AGT: variants seen among roughly 807,000 people sequenced by gnomAD.
AGT encodes the protein angiotensinogen, also known as alpha-1 antiproteinase, antitrypsin.
AGT carries 26 observed loss-of-function variants against 28.1 expected under a neutral mutation model. That is an observed-to-expected ratio of 0.92 (90% CI 0.68 to 1.28). The LOEUF (loss-of-function observed/expected upper bound fraction) is 1.28, where lower values mean the gene tolerates loss of function less well. AGT is among the 50% of genes most tolerant of loss of function. AGT has a pLI of 0.00. For synonymous variants in AGT, 259 were observed against 259.6 expected (o/e 1.00, Z 0.02); for missense variants, 596 against 592.3 (o/e 1.01, Z -0.06).
chr1:230,722,941 C>T lies in AGT; in HGVS notation c.-30-12088G>A, dbSNP rs543808549. On this transcript the variant is annotated intron_variant, in intron 1 of 4. Transcript: ENST00000681269. Reference sequence around the variant, plus strand: ...AAAAGGCATGAGATTTGGGAAGGGCCGGTGGAGAATGATACGGTTTAGCTC... The same window carrying T: ...AAAAGGCATGAGATTTGGGAAGGGCTGGTGGAGAATGATACGGTTTAGCTC... Among the ~76,000 whole-genome samples the T allele has an allele frequency of 1.5e-3, 223 of 152,086 alleles. 1 individual carries two copies. The highest frequency in any genetic ancestry group is 2.8e-3 in the Non-Finnish European group (193 of 67,992).
Position 230,710,530 on chromosome 1 carries a change from C to T in AGT, c.294G>A (p.Gly98=), listed in dbSNP as rs1663550059. Residue 98 remains glycine (G), a synonymous_variant, in exon 2 of 5, where the codon GGG becomes GGA. Transcript: ENST00000366667. ...GGAAGCCCAAGAAGTTGGCCAGCAT[C>T]CCGACCATTGCGGCCCTCAACTTGT... ...TEDKLRAAMV[G]MLANFLGFRI... 6.2e-7 allele frequency: 1 copy of T among 1,614,122 alleles called. No homozygotes were observed.
At chr1:230,731,502 C>T (rs778531025) in intron 1 of AGT, among the ~76,000 whole-genome samples, 2 of 152,248 alleles carry the variant, frequency 1.3e-5, no homozygotes, top group South Asian at 4.1e-4. Flanking sequence ...GCCCTTCTCT[C>T]TACAGCCTTG....
intron 1 of AGT, among the ~76,000 whole-genome samples, chr1:230,723,240 G>C (rs1663880691): frequency 6.6e-6 from 1 of 151,984 alleles, no homozygotes; most frequent in Non-Finnish European, 1.5e-5. Flanking sequence ...GGCCTCCCCA[G>C]CCATGCAGAA....
At chr1:230,724,870 C>G (rs1238203247) in intron 1 of AGT, among the ~76,000 whole-genome samples, 1 of 152,054 alleles carries the variant, frequency 6.6e-6, no homozygotes, top group East Asian at 1.9e-4. Flanking sequence ...TTTAGATGTG[C>G]AGAATTTGAG....
chr1:230,722,715 T>G (rs1417151957), intron 1 of AGT, among the ~76,000 whole-genome samples: 1 of 152,220 alleles, frequency 6.6e-6, no homozygotes, highest in African/African-American at 2.4e-5. Context: ...GTAGCCCTTC[T>G]GTTTTGGCCA....
rs1571976675 is a variant in AGT, at chr1:230,710,055, A to G, written c.769T>C (p.Ser257Pro). 2 of 1,614,066 alleles carry G rather than the reference A, an allele frequency of 1.2e-6. No homozygotes were observed. Among genetic ancestry groups the G allele is most frequent in the East Asian group, 4.5e-5 (2 of 44,860 alleles). Residue 257 changes from serine (S) to proline (P), a missense_variant, in exon 2 of 5, where the codon TCC (serine) becomes CCC (proline). By Grantham distance (74) the Ser-to-Pro change is moderately conservative. Coordinates refer to ENST00000366667, the MANE Select transcript of AGT (RefSeq NM_001384479.1). ...CTGTCCACACTGGCTCCCATCAGGG[A>G]GCAGCCAGTCTTCCATCCTGTCACA... is the stretch of plus-strand genomic sequence containing the variant. ...QAVTGWKTGC[S>P]LMGASVDSTL...
chr1:230,741,037 G>C (rs1392554709), intron 1 of AGT, among the ~76,000 whole-genome samples: 1 of 152,154 alleles, frequency 6.6e-6, no homozygotes, highest in Non-Finnish European at 1.5e-5. Context: ...TCTGTGCATA[G>C]CATCAACCTC....
intron 3 of AGT, among the ~76,000 whole-genome samples, chr1:230,704,751 G>A (rs1225187150): frequency 6.6e-6 from 1 of 152,230 alleles, no homozygotes; most frequent in Admixed American, 6.5e-5. Context: ...AGGGTACAGT[G>A]TCAACCTCGT....
chr1:230,718,879 T>G (rs1179784960), upstream of AGT, among the ~76,000 whole-genome samples: 1 of 151,958 alleles, frequency 6.6e-6, no homozygotes, highest in Non-Finnish European at 1.5e-5. Context: ...ATGCATGCCA[T>G]GACACCTGGC....
rs370110995 is a variant in AGT at position 230,735,829 on chromosome 1, C to A, written c.-31+9686G>T. ...TGTAGATTCTAGGGGTACCCTGCTG[C>A]TTCCAGCCCCCCAACTGCTCAGTCT... is the stretch of plus-strand genomic sequence containing the variant. On this transcript the variant is annotated intron_variant, in intron 1 of 4. Coordinates refer to the AGT transcript ENST00000681269. Among the ~76,000 whole-genome samples the A allele has an allele frequency of 3.9e-5, 6 of 152,338 alleles. No individual in the cohort carries two copies. The South Asian group carries it at 1.2e-3, about 32-fold the overall frequency.
In AGT at chr1:230,703,207, C is replaced by T. The variant is rs377754608; in HGVS notation, c.1365G>A (p.Val455=). The stretch of plus-strand genomic sequence containing the variant: ...GCAGGGCAGTGGCGCTTTGATCATA[C>T]ACAGCAAACAGGAATGGGCGGTTCA... The part of the protein sequence containing the change: ...VTLNRPFLFA[V]YDQSATALHF... The change falls in exon 5 of 5, where the codon GTG becomes GTA. Residue 455 remains valine (V), a synonymous_variant. Transcript: ENST00000366667. 1.9e-6 allele frequency: 3 copies of T among 1,614,088 alleles called. No homozygotes were observed. Among genetic ancestry groups the T allele is most frequent in the Non-Finnish European group, 2.5e-6 (3 of 1,180,052 alleles).
intron 1 of AGT, among the ~76,000 whole-genome samples, chr1:230,712,866 T>A (rs1379019980): frequency 6.6e-6 from 1 of 152,080 alleles, no homozygotes; most frequent in African/African-American, 2.4e-5. Context: ...CCCCTCCGCC[T>A]TCTCCTCTCC....
upstream of AGT, among the ~76,000 whole-genome samples, chr1:230,714,684 G>A (rs115913993): frequency 6.6e-6 from 1 of 152,290 alleles, no homozygotes; most frequent in Non-Finnish European, 1.5e-5. Flanking sequence ...AGTGCCTTCT[G>A]GAAGTTTCCA....
chr1:230,744,775 C>A (rs139931285), intron 1 of AGT, among the ~76,000 whole-genome samples: 1 of 152,164 alleles, frequency 6.6e-6, no homozygotes. Context: ...AGAATGAGAA[C>A]GTAAATCCCT....
Position 230,704,292 on chromosome 1 carries a change from A to G in AGT, c.1143T>C (p.Tyr381=), listed in dbSNP as rs1489914240. ...TMPQLVLQGS[Y]DLQDLLAQAE... ...CCTGGGCGAGCAGGTCCTGCAGGTC[A>G]TAAGATCCTTGCAGCACCAGTTGGG... Residue 381 remains tyrosine, a synonymous_variant, in exon 4 of 5, where the codon TAT becomes TAC. Transcript: ENST00000366667. 2.5e-6 allele frequency: 4 copies of G among 1,614,238 alleles called. No individual in the cohort carries two copies. The highest frequency in any genetic ancestry group is 3.4e-6 in the Non-Finnish European group (4 of 1,180,034).
intron 1 of AGT, among the ~76,000 whole-genome samples, chr1:230,711,321 A>G (rs1663585411): frequency 6.6e-6 from 1 of 152,164 alleles, no homozygotes; most frequent in Non-Finnish European, 1.5e-5. Flanking sequence ...GAAGACGGCC[A>G]TCTACAAGCC....
intron 1 of AGT, among the ~76,000 whole-genome samples, chr1:230,740,262 G>GT (rs1173868283): frequency 1.3e-5 from 2 of 152,268 alleles, no homozygotes; most frequent in African/African-American, 4.8e-5. Context: ...CGCCATCTTG[G>GT]TTTTAGTGGG....
intron 1 of AGT, among the ~76,000 whole-genome samples, chr1:230,738,131 G>A (rs1019425310): frequency 1.3e-5 from 2 of 152,184 alleles, no homozygotes; most frequent in African/African-American, 2.4e-5. Context: ...GCACCTTCTG[G>A]CTGTTATGAA....
At chr1:230,713,454 G>T (rs922758982) in intron 1 of AGT, among the ~76,000 whole-genome samples, 1 of 152,144 alleles carries the variant, frequency 6.6e-6, no homozygotes, top group Admixed American at 6.5e-5. Context: ...CGCTGCCCTC[G>T]AATAAAATTG....
Sources: allele counts gnomAD v4.1 joint callset (sites outside exome capture counted in the v4.1 genomes callset), GRCh38; gene constraint gnomAD v4.1.1; transcripts MANE v1.5; gene names NCBI Gene and HGNC (gene_info 2026-07-23, HGNC 2026-07-21).